Variants in DPP6 observed in about 807,000 individuals in gnomAD.
DPP6 encodes the protein A-type potassium channel modulatory protein DPP6.
A neutral mutation model predicts 122.6 loss-of-function variants in DPP6; 69 were observed. That is an observed-to-expected ratio of 0.56 (90% CI 0.46 to 0.69). The LOEUF (loss-of-function observed/expected upper bound fraction) is 0.69. Among genes scored for constraint, DPP6 ranks in the 30% least tolerant of loss-of-function variants. The pLI is 0.00. For synonymous variants in DPP6, 418 were observed against 433.1 expected (o/e 0.97, Z 0.43); for missense variants, 928 against 1,116.9 (o/e 0.83, Z 2.41).
intron 5 of DPP6, among the ~76,000 whole-genome samples, chr7:154,608,496 T>A (rs57595148): frequency 7.1e-4 from 41 of 57,864 alleles, no homozygotes; most frequent in Admixed American, 1.4e-3. Context: ...CCTGGCTAAT[T>A]TTTTTTTTTT....
rs555699212 is a variant in DPP6, at chr7:154,061,349, G to A, written c.243+8286G>A. Among the ~76,000 whole-genome samples the A allele has an allele frequency of 9.1e-4, 134 of 147,868 alleles. 2 individuals carry two copies. Among genetic ancestry groups the A allele is most frequent in the Middle Eastern group, 7.0e-3 (2 of 284 alleles). On this transcript the variant is annotated intron_variant, in intron 1 of 25. Coordinates refer to ENST00000377770, the MANE Select transcript of DPP6 (RefSeq NM_130797.4). ...CCGATCTGACAAAGCCTTTTCCATT[G>A]TATGCGTCAGAGAGAGAAAAGATGG...
chr7:153,976,192 A>T (rs1322114221), intron 1 of DPP6, among the ~76,000 whole-genome samples: 1 of 152,176 alleles, frequency 6.6e-6, no homozygotes, highest in Non-Finnish European at 1.5e-5. Context: ...AGAAGTCTGT[A>T]TTGAAAGAAA....
At position 154,603,287 on chromosome 7, in the gene DPP6, A is replaced by G. The variant is rs565903322; in HGVS notation, c.628-34534A>G. 2.7e-4 allele frequency among the ~76,000 whole-genome samples: 32 copies of G among 119,956 alleles called. 4 individuals carry two copies. Among genetic ancestry groups the G allele is most frequent in the African/African-American group, 7.4e-4 (28 of 37,766 alleles). 78.7% of individuals were successfully genotyped at this position (119,956 alleles called of 152,430 possible). ...GTTTTTGGTAGTCTTCCATTCAGCC[A>G]TGATTTCTTCATGTGTTTCTTCTGT... is the stretch of plus-strand genomic sequence containing the variant. On this transcript the variant is annotated intron_variant, in intron 5 of 25. Transcript: ENST00000377770.
At chr7:154,736,765 ACT>A (rs1300800375) in intron 8 of DPP6, among the ~76,000 whole-genome samples, 2 of 152,124 alleles carry the variant, frequency 1.3e-5, no homozygotes, top group East Asian at 3.9e-4. Context: ...AACACCAGTG[ACT>A]CTCTGAGTAC....
intron 1 of DPP6, among the ~76,000 whole-genome samples, chr7:154,030,466 G>T (rs569654837): frequency 8.2e-4 from 125 of 152,240 alleles, no homozygotes; most frequent in Middle Eastern, 6.8e-3. Context: ...AGAGCCTCCA[G>T]ACAGGCTTAC....
chr7:154,655,277 T>C (rs886467685), intron 6 of DPP6, among the ~76,000 whole-genome samples: 1 of 152,224 alleles, frequency 6.6e-6, no homozygotes, highest in African/African-American at 2.4e-5. Context: ...GGAAGATAAA[T>C]GAGTAAACTT....
At chr7:153,932,036 G>A (rs368823819) in intron 1 of DPP6, among the ~76,000 whole-genome samples, 2 of 151,928 alleles carry the variant, frequency 1.3e-5, no homozygotes, top group African/African-American at 4.8e-5. Context: ...TACAAATGAC[G>A]AAAGTGAGAC....
In DPP6 at chr7:153,974,594, T is replaced by G. The variant is rs116873927; in HGVS notation, c.51+86860T>G. On this transcript the variant is annotated intron_variant, in intron 1 of 25. Transcript: ENST00000404039. ...ATTCCAGTTAACTTAAGCGAGAAAA[T>G]CTTCCACAATTCCTCTTTCTTTTGG... 2.0e-4 allele frequency among the ~76,000 whole-genome samples: 30 copies of G among 152,128 alleles called. No homozygotes were observed. The East Asian group carries it at 5.6e-3, about 28-fold the overall frequency.
At chr7:153,815,076 C>G in the DPP6 span, among the ~76,000 whole-genome samples, 1 of 152,160 alleles carries the variant, frequency 6.6e-6, no homozygotes, top group Non-Finnish European at 1.5e-5. Flanking sequence ...TCTCACCACT[C>G]CTATTCAACA....
chr7:154,051,641 A>T (rs1800326979), upstream of DPP6, among the ~76,000 whole-genome samples: 1 of 149,414 alleles, frequency 6.7e-6, no homozygotes, highest in South Asian at 2.1e-4. Context: ...GCTTTGGAAA[A>T]GTTGCGGGCA....
rs562410905 is a variant in DPP6, at chr7:154,565,691, A to T, written c.553-1151A>T. ...CAGGCATGCACCACCATACCCAGCT[A>T]ATTTTGTAATTTTAGTGGAGACGGA... On this transcript the variant is annotated intron_variant, in intron 4 of 25. Transcript: ENST00000377770. Among the ~76,000 whole-genome samples the T allele has an allele frequency of 1.1e-4, 16 of 152,222 alleles. No homozygotes were observed. In the South Asian group the frequency reaches 3.1e-3, roughly 30 times the overall value.
chr7:154,439,510 T>G (rs1231649895), intron 1 of DPP6, among the ~76,000 whole-genome samples: 1 of 152,200 alleles, frequency 6.6e-6, no homozygotes, highest in African/African-American at 2.4e-5. Flanking sequence ...CAAAGTAGAC[T>G]GAGCCCAGAA....
chr7:154,651,628 G>A (rs1836881004), intron 6 of DPP6, among the ~76,000 whole-genome samples: 3 of 152,256 alleles, frequency 2.0e-5, no homozygotes, highest in South Asian at 2.1e-4. Context: ...GCTGAGGATC[G>A]GCTGCTGGTT....
chr7:153,923,565 T>C (rs1243131244), intron 1 of DPP6, among the ~76,000 whole-genome samples: 1 of 151,800 alleles, frequency 6.6e-6, no homozygotes, highest in Admixed American at 6.6e-5. Context: ...ATCGAGACCA[T>C]CCTGGCTAAT....
chr7:154,595,458 G>C (rs1057035581), intron 5 of DPP6, among the ~76,000 whole-genome samples: 1 of 152,162 alleles, frequency 6.6e-6, no homozygotes, highest in African/African-American at 2.4e-5. Context: ...ATGGATGAAA[G>C]ACCGCCCATC....
intron 1 of DPP6, among the ~76,000 whole-genome samples, chr7:154,109,514 A>G (rs1305487414): frequency 6.6e-6 from 1 of 151,538 alleles, no homozygotes; most frequent in Non-Finnish European, 1.5e-5. Context: ...CTGGTCTGGA[A>G]CTCCTGACCT....
Position 154,061,061 on chromosome 7 carries a change from C to G in DPP6, c.243+7998C>G, listed in dbSNP as rs540469072. Among the ~76,000 whole-genome samples, 20 of 130,830 alleles carry G rather than the reference C, an allele frequency of 1.5e-4. No homozygotes were observed. The South Asian group carries it at 3.6e-3, about 24-fold the overall frequency. The allele number at this position is 130,830 out of a possible 152,430, so 85.8% of individuals were successfully genotyped here. A position where few individuals can be genotyped will look rare whatever the true frequency, so the allele number is the denominator to read the frequency against. ...ACCTTATGTGGGATTTACGATCCGA[C>G]GGGTCCGAACGCAGCTCGGGAACAG... On this transcript the variant is annotated intron_variant, in intron 1 of 25. Transcript: ENST00000377770.
chr7:154,893,182 A>C lies in DPP6; in HGVS notation c.*702A>C. On this transcript the variant is annotated 3_prime_UTR_variant, in exon 26 of 26. Coordinates refer to ENST00000377770, the MANE Select transcript of DPP6 (RefSeq NM_130797.4). ...TGTTTCCCTTTCCTTTCTCCAGTCC[A>C]CGTGTAGACTTTGCGCTTGATGAAG... 1 of 312,032 alleles carries C rather than the reference A, an allele frequency of 3.2e-6. No individual in the cohort carries two copies. Among genetic ancestry groups the C allele is most frequent in the Non-Finnish European group, 6.2e-6 (1 of 161,234 alleles). 19.3% of individuals were successfully genotyped at this position (312,032 alleles called of 1,614,324 possible).
At chr7:153,846,437 TTGA>T in the DPP6 span, among the ~76,000 whole-genome samples, 6,773 of 152,232 alleles carry the variant, frequency 0.044, 337 homozygotes, top group East Asian at 0.23. Flanking sequence ...AATGGTGTTT[TTGA>T]TGGACAAAGG....
Sources: allele counts gnomAD v4.1 joint callset (sites outside exome capture counted in the v4.1 genomes callset), GRCh38; gene constraint gnomAD v4.1.1; transcripts MANE v1.5; gene names NCBI Gene and HGNC (gene_info 2026-07-23, HGNC 2026-07-21).